Variants in PPP1R12B observed in about 807,000 individuals in gnomAD.
PPP1R12B encodes the protein myosin phosphatase target subunit 2.
Under a neutral mutation model 126.1 loss-of-function variants are expected in PPP1R12B, and 76 were observed. The ratio of observed to expected loss-of-function variants is 0.60; its 90% CI spans 0.50 to 0.73. The LOEUF (loss-of-function observed/expected upper bound fraction) is 0.73, where lower values mean the gene tolerates loss of function less well. Ranked by LOEUF, PPP1R12B falls within the 30% of genes least tolerant of loss-of-function variation. The pLI is 0.00. For synonymous variants in PPP1R12B, 356 were observed against 434.7 expected (o/e 0.82, Z 2.25); for missense variants, 1,052 against 1,205.1 (o/e 0.87, Z 1.88).
chr1:202,488,738 C>A, intron 14 of PPP1R12B, 115 bp downstream of exon 14: 1 of 959,586 alleles, frequency 1.0e-6, no homozygotes, highest in Non-Finnish European at 1.6e-6. Context: ...CACACACACA[C>A]ACACGCTCAC....
intron 19 of PPP1R12B, among the ~76,000 whole-genome samples, chr1:202,561,051 C>A (rs1687473613): frequency 6.6e-6 from 1 of 151,690 alleles, no homozygotes; most frequent in Non-Finnish European, 1.5e-5. Flanking sequence ...AAGCCCTACT[C>A]TACAGGAGGT....
At chr1:202,513,650 C>A (rs761969214) in intron 18 of PPP1R12B, among the ~76,000 whole-genome samples, 1 of 152,118 alleles carries the variant, frequency 6.6e-6, no homozygotes, top group East Asian at 1.9e-4. Context: ...GCAGTGATTC[C>A]CAACTTCTTT....
chr1:202,530,108 C>T (rs905964758), intron 18 of PPP1R12B, among the ~76,000 whole-genome samples: 2 of 152,098 alleles, frequency 1.3e-5, no homozygotes, highest in Non-Finnish European at 2.9e-5. Flanking sequence ...ATATAATATA[C>T]CCTGTTAGTG....
Position 202,349,058 on chromosome 1 carries a change from G to A in PPP1R12B, c.207G>A (p.Gly69=). 4.3e-6 allele frequency: 7 copies of A among 1,614,084 alleles called. No individual in the cohort carries two copies. Among genetic ancestry groups the A allele is most frequent in the Non-Finnish European group, 5.9e-6 (7 of 1,180,032 alleles). ...GAVFLAACSS[G]DTDEVRKLLA... ...TCTTTCTGGCCGCCTGCTCTAGCGG[G>A]GACACCGACGAGGTGAGAAAGCTTC... The change falls in exon 1 of 24, where the codon GGG becomes GGA. Residue 69 remains glycine (G), a synonymous_variant. Coordinates refer to ENST00000608999, the MANE Select transcript of PPP1R12B (RefSeq NM_002481.4).
intron 1 of PPP1R12B, among the ~76,000 whole-genome samples, chr1:202,414,468 A>C (rs1249296597): frequency 2.6e-5 from 4 of 152,232 alleles, no homozygotes; most frequent in Admixed American, 6.5e-5. Flanking sequence ...ATCTAAATAC[A>C]TTTCATTATA....
intron 19 of PPP1R12B, among the ~76,000 whole-genome samples, chr1:202,562,299 T>C (rs1161246330): frequency 1.3e-5 from 2 of 152,186 alleles, no homozygotes; most frequent in Non-Finnish European, 2.9e-5. Flanking sequence ...GTAGAGCACC[T>C]AAAAGGCATA....
intron 18 of PPP1R12B, among the ~76,000 whole-genome samples, chr1:202,550,149 C>T (rs1221764033): frequency 1.3e-5 from 2 of 152,148 alleles, no homozygotes; most frequent in Non-Finnish European, 2.9e-5. Context: ...AAAAGTTCTA[C>T]CCTATGTTAC....
At position 202,549,708 on chromosome 1, in the gene PPP1R12B, G is replaced by A. The variant is rs112219382; in HGVS notation, c.2491-9169G>A. ...GCTGGTATTACACGCATGAGCCACC[G>A]TGCCCGGCCAACTTTCTTGAATTAC... On this transcript the variant is annotated intron_variant, in intron 18 of 23. Coordinates refer to ENST00000608999, the MANE Select transcript of PPP1R12B (RefSeq NM_002481.4). Among the ~76,000 whole-genome samples, 1,248 of 152,230 alleles carry A rather than the reference G, an allele frequency of 8.2e-3. 20 individuals are homozygous for A. The highest frequency in any genetic ancestry group is 0.028 in the African/African-American group (1,167 of 41,530).
intron 13 of PPP1R12B, among the ~76,000 whole-genome samples, chr1:202,486,873 A>G (rs1175345838): frequency 6.6e-6 from 1 of 152,224 alleles, no homozygotes; most frequent in Non-Finnish European, 1.5e-5. Context: ...AACTCTTCCA[A>G]TCATTTAAGG....
At chr1:202,409,120 T>C (rs1667048393) in intron 1 of PPP1R12B, among the ~76,000 whole-genome samples, 1 of 152,090 alleles carries the variant, frequency 6.6e-6, no homozygotes, top group Admixed American at 6.6e-5. Context: ...ATTACAGGCA[T>C]GAGCCATTAC....
chr1:202,382,433 T>G (rs1344943147), intron 1 of PPP1R12B, among the ~76,000 whole-genome samples: 1 of 131,642 alleles, frequency 7.6e-6, no homozygotes, highest in Non-Finnish European at 1.6e-5. Context: ...AAAAAAAATA[T>G]ATATATAAAA....
At chr1:202,397,321 A>G (rs962029934) in intron 1 of PPP1R12B, among the ~76,000 whole-genome samples, 6 of 152,170 alleles carry the variant, frequency 3.9e-5, no homozygotes, top group South Asian at 2.1e-4. Context: ...CTTTCATCCT[A>G]TGACTTCCAT....
chr1:202,511,771 A>AT (rs772556181), intron 18 of PPP1R12B, among the ~76,000 whole-genome samples: 2,204 of 107,854 alleles, frequency 0.02, 56 homozygotes, highest in African/African-American at 0.043. Flanking sequence ...ATATACCACA[A>AT]TTTTTTTTTT....
chr1:202,510,997 A>G (rs1165948657), intron 18 of PPP1R12B, among the ~76,000 whole-genome samples: 8 of 146,636 alleles, frequency 5.5e-5, no homozygotes, highest in South Asian at 2.1e-4. Context: ...CCAAATTTAT[A>G]CAATAATTTA....
intron 15 of PPP1R12B, among the ~76,000 whole-genome samples, chr1:202,493,821 G>A (rs1238407013): frequency 6.6e-6 from 1 of 152,198 alleles, no homozygotes; most frequent in Non-Finnish European, 1.5e-5. Flanking sequence ...AACATAGGCA[G>A]TCTGACTCCA....
At chr1:202,412,745 A>G (rs1474168971) in intron 1 of PPP1R12B, among the ~76,000 whole-genome samples, 1 of 152,122 alleles carries the variant, frequency 6.6e-6, no homozygotes, top group Non-Finnish European at 1.5e-5. Flanking sequence ...CTTTTTTCTT[A>G]TTGGACTTCA....
chr1:202,552,216 G>A (rs2148988208), intron 18 of PPP1R12B, among the ~76,000 whole-genome samples: 1 of 152,274 alleles, frequency 6.6e-6, no homozygotes, highest in African/African-American at 2.4e-5. Flanking sequence ...AATCTTGGAA[G>A]TTGTTGTTCC....
chr1:202,471,987 G>A, intron 13 of PPP1R12B: 3 of 1,596,496 alleles, frequency 1.9e-6, no homozygotes, highest in East Asian at 4.5e-5. Flanking sequence ...AAAGACCGTG[G>A]TGATTTTATA....
chr1:202,558,684 T>C (rs1433988750), intron 18 of PPP1R12B, 193 bp from the exon 19 acceptor site: 2 of 515,760 alleles, frequency 3.9e-6, no homozygotes, highest in African/African-American at 4.0e-5. Context: ...AAGTGTGAAC[T>C]AGGGCTAAGT....
Sources: allele counts gnomAD v4.1 joint callset (sites outside exome capture counted in the v4.1 genomes callset), GRCh38; gene constraint gnomAD v4.1.1; transcripts MANE v1.5; gene names NCBI Gene and HGNC (gene_info 2026-07-23, HGNC 2026-07-21).